Variants in BCAS4 observed in about 807,000 individuals in gnomAD.
BCAS4 encodes the protein breast carcinoma-amplified sequence 4.
BCAS4 carries 9 observed loss-of-function variants against 15.7 expected under a neutral mutation model. The observed-to-expected ratio is 0.57, with a 90% CI of 0.34 to 1.00. The LOEUF is 1.00. Among genes scored for constraint, BCAS4 ranks in the 50% least tolerant of loss-of-function variants. The pLI is 0.02. For missense variants in BCAS4, 225 were observed against 239.1 expected (o/e 0.94, Z 0.39); for synonymous variants, 101 against 99.5 (o/e 1.02, Z -0.09).
chr20:50,865,092 C>T (rs1323370463), intron 4 of BCAS4, among the ~76,000 whole-genome samples: 1 of 152,014 alleles, frequency 6.6e-6, no homozygotes, highest in Non-Finnish European at 1.5e-5. Flanking sequence ...GACTCTATCT[C>T]AAAATAAATA....
intron 3 of BCAS4, among the ~76,000 whole-genome samples, chr20:50,838,594 C>G (rs1444490911): frequency 6.6e-6 from 1 of 152,108 alleles, no homozygotes; most frequent in African/African-American, 2.4e-5. Flanking sequence ...CCTGTAATCC[C>G]AGCAGTTTGG....
At chr20:50,847,760 A>T (rs2088563631) in intron 4 of BCAS4, among the ~76,000 whole-genome samples, 2 of 152,296 alleles carry the variant, frequency 1.3e-5, no homozygotes, top group South Asian at 4.1e-4. Context: ...ATTCAGTTAC[A>T]GGTGGGACAC....
intron 3 of BCAS4, among the ~76,000 whole-genome samples, chr20:50,838,848 AAAACAAAAC>A (rs1245560877): frequency 6.6e-6 from 1 of 152,122 alleles, no homozygotes; most frequent in Non-Finnish European, 1.5e-5. Flanking sequence ...CATCTTAAAA[AAAACAAAAC>A]AAACAAACAA....
intron 1 of BCAS4, among the ~76,000 whole-genome samples, chr20:50,805,188 A>C (rs1261452327): frequency 6.6e-6 from 1 of 152,156 alleles, no homozygotes; most frequent in Non-Finnish European, 1.5e-5. Flanking sequence ...CATCAACCAC[A>C]ACCAATTTTA....
chr20:50,865,999 G>A (rs1345766691), intron 4 of BCAS4, among the ~76,000 whole-genome samples: 1 of 152,176 alleles, frequency 6.6e-6, no homozygotes, highest in African/African-American at 2.4e-5. Context: ...GGACCTAGGG[G>A]ACAGGACCTG....
downstream of BCAS4, chr20:50,881,290 A>C (rs1980112274): frequency 6.6e-6 from 1 of 152,210 alleles, no homozygotes; most frequent in Non-Finnish European, 1.5e-5. Flanking sequence ...CGAAGTGTAC[A>C]AAATCGAGAA....
intron 4 of BCAS4, among the ~76,000 whole-genome samples, chr20:50,857,281 GC>G (rs1978813794): frequency 2.6e-5 from 4 of 152,128 alleles, no homozygotes; most frequent in African/African-American, 4.8e-5. Flanking sequence ...ACAGGCATGC[GC>G]CACCACACCT....
Position 50,876,511 on chromosome 20 carries a change from C to T in BCAS4, c.425C>T (p.Thr142Met), listed in dbSNP as rs139940313. ...AAGTCACCTGCACCGGTGCCCGTGACGTACGAGCTGCCCACACTGTATAGG... is the reference window on the plus strand; with the variant it reads ...AAGTCACCTGCACCGGTGCCCGTGATGTACGAGCTGCCCACACTGTATAGG... ...RNKSPAPVPV[T>M]YELPTLYRTE... The change falls in exon 5 of 5, where the codon ACG becomes ATG. Residue 142 changes from threonine (T) to methionine (M), a missense_variant. Physicochemically the swap from Thr to Met is moderately conservative, Grantham distance 81 (BLOSUM62 -1). Coordinates refer to ENST00000371608, the MANE Select transcript of BCAS4 (RefSeq NM_198799.4). 1.1e-3 allele frequency: 1,848 copies of T among 1,613,946 alleles called. 2 individuals are homozygous for T. The highest frequency in any genetic ancestry group is 1.5e-3 in the Non-Finnish European group (1,724 of 1,179,904).
chr20:50,845,045 AT>A (rs2088526995), intron 4 of BCAS4, among the ~76,000 whole-genome samples: 1 of 152,130 alleles, frequency 6.6e-6, no homozygotes, highest in African/African-American at 2.4e-5. Flanking sequence ...CCCTTGCAGA[AT>A]GATGATCATC....
At chr20:50,811,003 A>G (rs1487844596) in intron 1 of BCAS4, among the ~76,000 whole-genome samples, 1 of 152,166 alleles carries the variant, frequency 6.6e-6, no homozygotes, top group Non-Finnish European at 1.5e-5. Context: ...ACCTGGAAGA[A>G]ATATTTGAGC....
At chr20:50,877,333 G>A (rs4809813), downstream of BCAS4, 53,512 of 151,990 alleles carry the variant, frequency 0.35, 9,728 homozygotes, top group African/African-American at 0.43. Flanking sequence ...CCCGGCCTTT[G>A]GATTTCCAGC....
At chr20:50,859,369 G>A (rs1444114281) in intron 4 of BCAS4, among the ~76,000 whole-genome samples, 1 of 152,216 alleles carries the variant, frequency 6.6e-6, no homozygotes, top group Admixed American at 6.5e-5. Context: ...CCCTTGGCGT[G>A]GAAGGAGTAG....
upstream of BCAS4, chr20:50,795,018 C>T (rs1302298614): frequency 7.2e-7 from 1 of 1,394,186 alleles, no homozygotes; most frequent in Admixed American, 2.7e-5. Context: ...GGGCGGGGCT[C>T]CGAGGCCCGG....
chr20:50,851,477 G>C lies in BCAS4; in HGVS notation c.399+9577G>C, dbSNP rs1978417194. On this transcript the variant is annotated intron_variant, in intron 4 of 4. Coordinates refer to ENST00000371608, the MANE Select transcript of BCAS4 (RefSeq NM_198799.4). This position sits in a 1 kb window ranked among gnomAD's most constrained non-coding sequence, Gnocchi z 4.3. ...TTGGGAATCAAATTGTGTTTTTCAG[G>C]CATTTCATTCTTGCTGAGATTTTGA... 6.6e-6 allele frequency among the ~76,000 whole-genome samples: 1 copy of C among 152,130 alleles called. No individual in the cohort carries two copies. Among genetic ancestry groups the C allele is most frequent in the African/African-American group, 2.4e-5 (1 of 41,414 alleles).
In BCAS4 at chr20:50,855,522, C is replaced by T. The variant is rs764500998; in HGVS notation, c.399+13622C>T. Among the ~76,000 whole-genome samples, 6 of 152,080 alleles carry T rather than the reference C, an allele frequency of 3.9e-5. No homozygotes were observed. The East Asian group carries it at 1.2e-3, about 31-fold the overall frequency. ...CATCCCCCTTCGTGCCCCACCTCCA[C>T]CTGCATCTCTGGCTCCTCCAAGAGA... On this transcript the variant is annotated intron_variant, in intron 4 of 4. Transcript: ENST00000371608.
At chr20:50,869,885 A>AT (rs1309145610) in intron 4 of BCAS4, among the ~76,000 whole-genome samples, 2 of 150,970 alleles carry the variant, frequency 1.3e-5, no homozygotes, top group Non-Finnish European at 2.9e-5. Context: ...AGTAGCTGGG[A>AT]TTACAGGCAC....
intron 4 of BCAS4, among the ~76,000 whole-genome samples, chr20:50,862,521 G>A (rs1979137859): frequency 6.6e-6 from 1 of 152,104 alleles, no homozygotes; most frequent in South Asian, 2.1e-4. Context: ...GTGCTGCCGG[G>A]GAGAAGGACG....
chr20:50,869,808 G>A (rs1164202034), intron 4 of BCAS4, among the ~76,000 whole-genome samples: 2 of 145,540 alleles, frequency 1.4e-5, no homozygotes, highest in African/African-American at 2.6e-5. Flanking sequence ...GAGTGCAGTG[G>A]CGTGATCTCA....
intron 1 of BCAS4, among the ~76,000 whole-genome samples, chr20:50,802,765 T>C (rs1244721102): frequency 6.6e-6 from 1 of 152,092 alleles, no homozygotes; most frequent in African/African-American, 2.4e-5. Flanking sequence ...TCCCAGCTAC[T>C]TGGGAGGCTG....
Sources: gnomAD v4.1 joint callset for allele counts (sites outside exome capture counted in the v4.1 genomes callset) on GRCh38, gnomAD v4.1.1 for gene constraint, Gnocchi (gnomAD v3.1) non-coding constraint, MANE v1.5 for transcripts, NCBI Gene and HGNC (gene_info 2026-07-23, HGNC 2026-07-21) for gene names.